Variants in ANK1 observed in about 807,000 individuals in gnomAD.
The protein encoded by ANK1 is ankyrin-1.
Under a neutral mutation model 210.4 loss-of-function variants are expected in ANK1, and 51 were observed. The ratio of observed to expected loss-of-function variants is 0.24; its 90% CI spans 0.19 to 0.31. The LOEUF (loss-of-function observed/expected upper bound fraction) is 0.31, where lower values mean the gene tolerates loss of function less well. Ranked by LOEUF, ANK1 falls within the 10% of genes least tolerant of loss-of-function variation. The pLI, the probability that ANK1 is intolerant of heterozygous loss-of-function variation, is 1.00. For synonymous variants in ANK1, 967 were observed against 1,025.9 expected (o/e 0.94, Z 1.10); for missense variants, 2,051 against 2,504.4 (o/e 0.82, Z 3.86).
At chr8:41,795,631 C>T (rs1034560131) in intron 1 of ANK1, among the ~76,000 whole-genome samples, 3 of 151,906 alleles carry the variant, frequency 2.0e-5, no homozygotes, top group Non-Finnish European at 2.9e-5. Context: ...GGTCATTATG[C>T]TAAGTGAAAT....
intron 8 of ANK1, 49 bp downstream of exon 8, chr8:41,723,486 G>C: frequency 6.3e-7 from 1 of 1,583,236 alleles, no homozygotes; most frequent in Non-Finnish European, 8.7e-7. Context: ...AGGCTTGTGA[G>C]GGGGGACCTC....
intron 1 of ANK1, among the ~76,000 whole-genome samples, chr8:41,887,040 C>G (rs1353248333): frequency 2.0e-5 from 3 of 152,124 alleles, no homozygotes; most frequent in Non-Finnish European, 4.4e-5. Context: ...ACCTACTTGG[C>G]TCTAGTCCAC....
chr8:41,708,955 G>A lies in ANK1; in HGVS notation c.1821C>T (p.His607=), dbSNP rs1395454296. The A allele has an allele frequency of 1.9e-6, 3 of 1,613,942 alleles. No individual in the cohort carries two copies. The Admixed American group carries it at 5.0e-5, about 27-fold the overall frequency. ...SPAWNGYTPL[H]IAAKQNQVEV... is the part of the protein sequence containing the mutation. ...CCACCTGGTTCTGCTTGGCAGCGAT[G>A]TGCAAAGGGGTGTAGCCATTCTGAA... Residue 607 remains histidine, a synonymous_variant, in exon 17 of 43, where the codon CAC becomes CAT. Transcript: ENST00000289734.
chr8:41,794,261 C>T (rs565374159), intron 1 of ANK1, among the ~76,000 whole-genome samples: 45 of 152,330 alleles, frequency 3.0e-4, no homozygotes, highest in Middle Eastern at 3.4e-3. Flanking sequence ...ATCTCTCTGA[C>T]CTCACCTCCT....
intron 1 of ANK1, among the ~76,000 whole-genome samples, chr8:41,767,788 A>C (rs1254871630): frequency 6.6e-6 from 1 of 152,090 alleles, no homozygotes; most frequent in Non-Finnish European, 1.5e-5. Context: ...TCCAAGCTGC[A>C]TGGCCTCCCT....
chr8:41,712,577 C>A (rs1256576722), intron 16 of ANK1, among the ~76,000 whole-genome samples: 1 of 152,132 alleles, frequency 6.6e-6, no homozygotes, highest in Non-Finnish European at 1.5e-5. Context: ...AATGTGTGCC[C>A]GCAAAAGGCT....
intron 1 of ANK1, among the ~76,000 whole-genome samples, chr8:41,871,654 C>T (rs553640954): frequency 3.9e-5 from 6 of 152,250 alleles, no homozygotes; most frequent in South Asian, 4.2e-4. Flanking sequence ...CCAAAGGAGC[C>T]GACCCTGCTG....
At chr8:41,716,163 C>T (rs905770357) in intron 13 of ANK1, among the ~76,000 whole-genome samples, 1 of 152,128 alleles carries the variant, frequency 6.6e-6, no homozygotes, top group Non-Finnish European at 1.5e-5. Flanking sequence ...TGGGATCAAG[C>T]TGATAATGTA....
intron 1 of ANK1, among the ~76,000 whole-genome samples, chr8:41,855,750 C>T (rs907495925): frequency 6.6e-6 from 1 of 152,134 alleles, no homozygotes; most frequent in African/African-American, 2.4e-5. Context: ...TCTCCTTTCC[C>T]CGGCATCAGC....
At chr8:41,871,191 C>T (rs991303030) in intron 1 of ANK1, among the ~76,000 whole-genome samples, 3 of 152,192 alleles carry the variant, frequency 2.0e-5, no homozygotes, top group South Asian at 2.1e-4. Flanking sequence ...TGTTCTCTGA[C>T]GCATTTATGA....
chr8:41,698,444 G>T (rs1182949342), intron 23 of ANK1, among the ~76,000 whole-genome samples: 1 of 152,182 alleles, frequency 6.6e-6, no homozygotes, highest in Non-Finnish European at 1.5e-5. Context: ...TACGGTCAGG[G>T]TTACAGCTCT....
At chr8:41,667,665 G>A (rs1811000580) in intron 39 of ANK1, among the ~76,000 whole-genome samples, 1 of 152,134 alleles carries the variant, frequency 6.6e-6, no homozygotes, top group African/African-American at 2.4e-5. Context: ...AGGGCCAGGA[G>A]AGGGAGAGGC....
intron 3 of ANK1, among the ~76,000 whole-genome samples, chr8:41,730,025 A>G (rs1051701566): frequency 6.6e-6 from 1 of 152,266 alleles, no homozygotes; most frequent in Non-Finnish European, 1.5e-5. Flanking sequence ...TTTAGACAGT[A>G]TGTAGTTCTT....
At chr8:41,862,345 G>A (rs1279811284) in intron 1 of ANK1, among the ~76,000 whole-genome samples, 1 of 152,138 alleles carries the variant, frequency 6.6e-6, no homozygotes, top group Non-Finnish European at 1.5e-5. Flanking sequence ...AGGCTGAGCT[G>A]AAATGCAGGT....
chr8:41,848,962 C>T (rs1233552928), intron 1 of ANK1, among the ~76,000 whole-genome samples: 1 of 152,208 alleles, frequency 6.6e-6, no homozygotes, highest in Non-Finnish European at 1.5e-5. Flanking sequence ...TGCCCCCATC[C>T]ACCTGGAGCT....
intron 1 of ANK1, chr8:41,789,310 A>C (rs1370524783): frequency 6.6e-6 from 1 of 152,250 alleles, no homozygotes; most frequent in Non-Finnish European, 1.5e-5. Context: ...GTGATTTCAA[A>C]AAAGTTTATA....
At chr8:41,703,450 A>ATATATTTTTTTTT (rs59985416) in intron 20 of ANK1, among the ~76,000 whole-genome samples, 2 of 58,828 alleles carry the variant, frequency 3.4e-5, no homozygotes, top group African/African-American at 1.8e-4. Context: ...ATATATATAT[A>ATATATTTTTTTTT]TTTTTTTTTT....
chr8:41,808,889 T>C (rs1851368221), intron 1 of ANK1, among the ~76,000 whole-genome samples: 1 of 152,212 alleles, frequency 6.6e-6, no homozygotes, highest in Admixed American at 6.5e-5. Context: ...TCTGAGGCCT[T>C]ATTGGGCATT....
At chr8:41,858,694 A>C (rs1013492816) in intron 1 of ANK1, among the ~76,000 whole-genome samples, 1 of 152,252 alleles carries the variant, frequency 6.6e-6, no homozygotes, top group Non-Finnish European at 1.5e-5. Flanking sequence ...AATCCAGGAC[A>C]AGTTTATCTT....
Sources: gnomAD v4.1 joint callset for allele counts (sites outside exome capture counted in the v4.1 genomes callset) on GRCh38, gnomAD v4.1.1 for gene constraint, MANE v1.5 for transcripts, NCBI Gene and HGNC (gene_info 2026-07-23, HGNC 2026-07-21) for gene names.